The following MRPL22 variants were observed in gnomAD, a reference collection of about 807,000 sequenced individuals.
The protein encoded by MRPL22 is large ribosomal subunit protein uL22m.
A neutral mutation model predicts 32.4 loss-of-function variants in MRPL22; 27 were observed. That is an observed-to-expected ratio of 0.83 (90% confidence interval 0.61 to 1.15). The LOEUF (loss-of-function observed/expected upper bound fraction) is 1.15, where lower values mean the gene tolerates loss of function less well. Ranked by LOEUF, MRPL22 falls within the 50% of genes most tolerant of loss-of-function variation. The probability of loss-of-function intolerance (pLI) is 0.00; values close to 1 mark genes in which losing one functional copy is unlikely to be tolerated. For synonymous variants in MRPL22, 86 were observed against 87.3 expected (o/e 0.99, Z 0.08); for missense variants, 239 against 260.2 (o/e 0.92, Z 0.56).
rs375213818 is a variant in MRPL22 at position 154,947,138 on chromosome 5, G to T, written c.78-3683G>T. 4.3e-4 allele frequency among the ~76,000 whole-genome samples: 66 copies of T among 152,224 alleles called. No individual in the cohort carries two copies. In the South Asian group the frequency reaches 0.014, roughly 31 times the overall value. On this transcript the variant is annotated intron_variant, in intron 2 of 6. Transcript: ENST00000523037. ...AAGTGTCAGGTTAAGTATTTTACTTGCATTTGAGCTTCTTAAGAAGGCTAT... is the reference window on the plus strand; with the variant it reads ...AAGTGTCAGGTTAAGTATTTTACTTTCATTTGAGCTTCTTAAGAAGGCTAT...
At chr5:154,948,364 C>G (rs1045089013) in intron 2 of MRPL22, among the ~76,000 whole-genome samples, 5 of 152,192 alleles carry the variant, frequency 3.3e-5, no homozygotes, top group Admixed American at 2.6e-4. Flanking sequence ...CACATTGAAA[C>G]TAATTGATAT....
chr5:154,946,589 G>A (rs568926407), intron 2 of MRPL22, among the ~76,000 whole-genome samples: 1 of 152,104 alleles, frequency 6.6e-6, no homozygotes, highest in South Asian at 2.1e-4. Flanking sequence ...TGAGATGGGT[G>A]GATCACCTGA....
chr5:154,965,427 ATTT>A (rs201797693), intron 6 of MRPL22, among the ~76,000 whole-genome samples: 4 of 138,614 alleles, frequency 2.9e-5, no homozygotes, highest in African/African-American at 2.6e-5. Context: ...CTTATGTACT[ATTT>A]TTTTTTTTTT....
At chr5:154,950,989 T>A (rs1764553141) in intron 3 of MRPL22, 51 bp downstream of exon 3, 1 of 1,125,650 alleles carries the variant, frequency 8.9e-7, no homozygotes, top group Admixed American at 2.1e-5. Flanking sequence ...GCTCTTACTC[T>A]TAAGTGATTA....
rs777805662 is a variant in MRPL22 at position 154,966,792 on chromosome 5, G to A, written c.516G>A (p.Leu172=). Residue 172 remains leucine (L), a synonymous_variant, in exon 7 of 7, where the codon TTG becomes TTA. Coordinates refer to ENST00000523037, the MANE Select transcript of MRPL22 (RefSeq NM_014180.4). ...EKVYCHYFVK[L]VEGPPPPPEP... ...TTTATTGCCATTATTTTGTGAAGTT[G>A]GTGGAAGGGCCCCCACCTCCACCTG... 1 of 1,614,166 alleles carries A rather than the reference G, an allele frequency of 6.2e-7. No individual in the cohort carries two copies. Among genetic ancestry groups the A allele is most frequent in the Non-Finnish European group, 8.5e-7 (1 of 1,180,034 alleles).
At chr5:154,955,289 C>CT (rs1391544325) in intron 3 of MRPL22, 1 of 152,198 alleles carries the variant, frequency 6.6e-6, no homozygotes, top group African/African-American at 2.4e-5. Flanking sequence ...AAGATGGCCA[C>CT]TTGAGAAAAC....
intron 2 of MRPL22, among the ~76,000 whole-genome samples, chr5:154,948,044 G>C (rs10515727): frequency 0.12 from 18,376 of 152,176 alleles, 1,400 homozygotes; most frequent in African/African-American, 0.21. Flanking sequence ...AAAGAGTCTG[G>C]ACTTCGTATT....
At position 154,968,685 on chromosome 5, in the gene MRPL22, C is replaced by T. The variant is rs1764805598; in HGVS notation, c.*1788C>T. On this transcript the variant is annotated 3_prime_UTR_variant, in exon 7 of 7. Transcript: ENST00000523037. ...TGTGCTCTCATGTGGTGGGGATGCT[C>T]CACGATTGCTCTTGGAGTTGTGACT... 6.6e-6 allele frequency: 1 copy of T among 152,164 alleles called. No homozygotes were observed. Among genetic ancestry groups the T allele is most frequent in the African/African-American group, 2.4e-5 (1 of 41,436 alleles). The allele number at this position is 152,164 out of a possible 1,614,324, so 9.4% of individuals were successfully genotyped here.
intron 2 of MRPL22, among the ~76,000 whole-genome samples, chr5:154,947,785 C>T (rs1322413943): frequency 6.6e-6 from 1 of 152,150 alleles, no homozygotes; most frequent in Non-Finnish European, 1.5e-5. Flanking sequence ...TAAGTCATTG[C>T]TGTATGGCTG....
At chr5:154,965,964 C>T (rs1054473454) in intron 6 of MRPL22, among the ~76,000 whole-genome samples, 1 of 152,102 alleles carries the variant, frequency 6.6e-6, no homozygotes, top group Non-Finnish European at 1.5e-5. Context: ...AATTACATTC[C>T]CTAGGTTAGT....
chr5:154,958,904 A>G (rs1764666486), intron 5 of MRPL22: 1 of 152,148 alleles, frequency 6.6e-6, no homozygotes, highest in Non-Finnish European at 1.5e-5. Context: ...ATATCTATGG[A>G]GAGTAAATTT....
At chr5:154,955,606 T>G (rs1243146229) in intron 3 of MRPL22, 2 of 152,238 alleles carry the variant, frequency 1.3e-5, no homozygotes, top group Non-Finnish European at 2.9e-5. Flanking sequence ...TGTAAAATGT[T>G]TCATCCCTCA....
At position 154,945,751 on chromosome 5, in the gene MRPL22, G is replaced by A. The variant is rs554562043; in HGVS notation, c.77+4486G>A. Among the ~76,000 whole-genome samples, 6 of 152,346 alleles carry A rather than the reference G, an allele frequency of 3.9e-5. No individual in the cohort carries two copies. The South Asian group carries it at 1.2e-3, about 32-fold the overall frequency. ...ATTAAAGAAAGTGTCTCAAGGAAGA[G>A]TGAGTGACCAGAGATACTTAGGTCA... On this transcript the variant is annotated intron_variant, in intron 2 of 6. Coordinates refer to ENST00000523037, the MANE Select transcript of MRPL22 (RefSeq NM_014180.4).
chr5:154,959,898 C>G, intron 5 of MRPL22, 82 bp from the exon 6 acceptor site: 1 of 911,594 alleles, frequency 1.1e-6, no homozygotes, highest in Non-Finnish European at 1.7e-6. Flanking sequence ...AGTCATAGTA[C>G]AGAGATAATG....
intron 6 of MRPL22, 119 bp downstream of exon 6, chr5:154,960,168 C>T (rs1362919806): frequency 3.0e-6 from 2 of 675,268 alleles, no homozygotes; most frequent in Non-Finnish European, 5.1e-6. Context: ...GTGAAAATTG[C>T]TAGTAATGGC....
intron 2 of MRPL22, among the ~76,000 whole-genome samples, chr5:154,945,384 C>A (rs1172090105): frequency 6.6e-6 from 1 of 152,086 alleles, no homozygotes; most frequent in Non-Finnish European, 1.5e-5. Context: ...TCCAGAGGAG[C>A]AGGTTTGGGG....
At chr5:154,958,492 C>T (rs1344564506) in intron 5 of MRPL22, among the ~76,000 whole-genome samples, 1 of 142,348 alleles carries the variant, frequency 7.0e-6, no homozygotes, top group Non-Finnish European at 1.5e-5. Context: ...CATTCTTTAT[C>T]TTTTAAGGCG....
At chr5:154,946,071 G>A (rs1764486331) in intron 2 of MRPL22, among the ~76,000 whole-genome samples, 1 of 152,136 alleles carries the variant, frequency 6.6e-6, no homozygotes, top group Admixed American at 6.5e-5. Context: ...TTCATAGTAT[G>A]TTTAATTTAT....
chr5:154,954,349 A>G (rs935447171), intron 3 of MRPL22, among the ~76,000 whole-genome samples: 1 of 152,204 alleles, frequency 6.6e-6, no homozygotes, highest in African/African-American at 2.4e-5. Context: ...TTTAAAAATA[A>G]ATTGATTTAT....
Sources: gnomAD v4.1 joint callset for allele counts (sites outside exome capture counted in the v4.1 genomes callset) on GRCh38, gnomAD v4.1.1 for gene constraint, MANE v1.5 for transcripts, NCBI Gene and HGNC (gene_info 2026-07-23, HGNC 2026-07-21) for gene names.